Variants in PTPRN2 observed in about 807,000 individuals in gnomAD.
The protein encoded by PTPRN2 is receptor-type tyrosine-protein phosphatase N2.
Under a neutral mutation model 118.8 loss-of-function variants are expected in PTPRN2, and 74 were observed. The ratio of observed to expected loss-of-function variants is 0.62; its 90% CI spans 0.52 to 0.76. The LOEUF is 0.76. PTPRN2 is among the 30% of genes least tolerant of loss of function. The probability of loss-of-function intolerance (pLI) is 0.00; values close to 1 mark genes in which losing one functional copy is unlikely to be tolerated. For missense variants in PTPRN2, 1,481 were observed against 1,394.4 expected (o/e 1.06, Z -0.99); for synonymous variants, 641 against 608.0 (o/e 1.05, Z -0.80).
At chr7:158,183,725 T>TG in intron 5 of PTPRN2, among the ~76,000 whole-genome samples, 1 of 152,236 alleles carries the variant, frequency 6.6e-6, no homozygotes, top group Non-Finnish European at 1.5e-5. Flanking sequence ...GTGCATATCT[T>TG]GGAGGCAGTG....
chr7:158,125,241 G>T (rs989119180), intron 9 of PTPRN2, among the ~76,000 whole-genome samples: 1 of 137,698 alleles, frequency 7.3e-6, no homozygotes, highest in East Asian at 2.2e-4. Flanking sequence ...CCCCTGTCTC[G>T]AGTCCCTCCC....
At chr7:158,202,042 A>C (rs1470774350) in intron 4 of PTPRN2, among the ~76,000 whole-genome samples, 2 of 152,194 alleles carry the variant, frequency 1.3e-5, no homozygotes, top group African/African-American at 4.8e-5. Flanking sequence ...CATCCACTAC[A>C]CTGCATTTAC....
intron 2 of PTPRN2, among the ~76,000 whole-genome samples, chr7:158,373,924 C>T (rs1810294773): frequency 6.6e-6 from 1 of 152,226 alleles, no homozygotes; most frequent in African/African-American, 2.4e-5. Context: ...TCTCTGCCTA[C>T]CTGGTGCATG....
chr7:157,608,193 G>C (rs757229521), intron 15 of PTPRN2, among the ~76,000 whole-genome samples: 1 of 152,020 alleles, frequency 6.6e-6, no homozygotes, highest in Non-Finnish European at 1.5e-5. Context: ...TCAGCCTCCC[G>C]AGTAGCTGGG....
chr7:158,071,585 GGTGGAGGTGCTCCTGGTGGAGGTGCTC>G (rs1189180733), intron 11 of PTPRN2, among the ~76,000 whole-genome samples: 1 of 115,358 alleles, frequency 8.7e-6, no homozygotes, highest in African/African-American at 3.4e-5. Flanking sequence ...AGGTGCTCCT[GGTGGAGGTGCTCCTGGTGGAGGTGCTC>G]GTGGTGGAGG....
chr7:157,876,553 A>G (rs903215232), intron 12 of PTPRN2, among the ~76,000 whole-genome samples: 6 of 152,198 alleles, frequency 3.9e-5, no homozygotes, highest in African/African-American at 1.4e-4. Flanking sequence ...GCCCTAGAAG[A>G]CGTTTCTCCC....
At chr7:157,670,139 C>T (rs1295145052) in intron 13 of PTPRN2, among the ~76,000 whole-genome samples, 1 of 152,162 alleles carries the variant, frequency 6.6e-6, no homozygotes, top group Admixed American at 6.5e-5. Flanking sequence ...CCGACAGCTG[C>T]GGCTTCCTGC....
At chr7:157,879,027 A>C in intron 12 of PTPRN2, among the ~76,000 whole-genome samples, 1 of 142,242 alleles carries the variant, frequency 7.0e-6, no homozygotes, top group Non-Finnish European at 1.5e-5. Flanking sequence ...GGTCAGTGTG[A>C]TACCGTGCAC....
intron 11 of PTPRN2, among the ~76,000 whole-genome samples, chr7:157,926,094 C>G (rs535923694): frequency 6.6e-6 from 1 of 152,394 alleles, no homozygotes; most frequent in South Asian, 2.1e-4. Flanking sequence ...TGCATTACCT[C>G]CCTCTGTCTA....
intron 11 of PTPRN2, among the ~76,000 whole-genome samples, chr7:157,943,960 T>G (rs1800305079): frequency 6.6e-6 from 1 of 152,230 alleles, no homozygotes; most frequent in South Asian, 2.1e-4. Context: ...TTTTATGTGT[T>G]TTTAACTAAA....
At chr7:158,443,269 A>G (rs1817486328) in intron 2 of PTPRN2, among the ~76,000 whole-genome samples, 1 of 152,224 alleles carries the variant, frequency 6.6e-6, no homozygotes, top group Non-Finnish European at 1.5e-5. Context: ...GCTCCAGGGC[A>G]GCGCCAGGCA....
At chr7:158,312,255 C>T (rs61222803) in intron 3 of PTPRN2, among the ~76,000 whole-genome samples, 1,177 of 110,958 alleles carry the variant, frequency 0.011, 19 homozygotes, top group African/African-American at 0.032. Context: ...CACCTGCACA[C>T]GCACTCACGT....
At position 157,869,546 on chromosome 7, in the gene PTPRN2, T is replaced by C. The variant is rs1810924640; in HGVS notation, c.1788+29127A>G. On this transcript the variant is annotated intron_variant, in intron 12 of 22. Transcript: ENST00000389418. The surrounding 1 kb of genome is among the most constrained non-coding windows in gnomAD (Gnocchi z 4.2). ...ACCATTTAGTCCATTCCCAAGGCAC[T>C]GAGGACCTTGGGAATTTAGCCACAT... Among the ~76,000 whole-genome samples, 1 of 152,212 alleles carries C rather than the reference T, an allele frequency of 6.6e-6. No individual in the cohort carries two copies. Among genetic ancestry groups the C allele is most frequent in the Middle Eastern group, 3.2e-3 (1 of 316 alleles).
intron 14 of PTPRN2, among the ~76,000 whole-genome samples, chr7:157,649,279 C>T (rs367594304): frequency 7.9e-5 from 7 of 88,730 alleles, no homozygotes; most frequent in South Asian, 4.4e-4. Flanking sequence ...CTCGGTGGGT[C>T]GGACCCATCC....
chr7:157,892,120 G>T (rs556903269), intron 12 of PTPRN2, among the ~76,000 whole-genome samples: 1 of 151,534 alleles, frequency 6.6e-6, no homozygotes, highest in Non-Finnish European at 1.5e-5. Flanking sequence ...ACGCTTAGAA[G>T]CTAGAACGCT....
chr7:158,127,520 C>T (rs1817798989), intron 9 of PTPRN2, among the ~76,000 whole-genome samples: 1 of 152,220 alleles, frequency 6.6e-6, no homozygotes, highest in South Asian at 2.1e-4. Flanking sequence ...TTCCGTGGGT[C>T]AAGGGCCCAG....
intron 12 of PTPRN2, among the ~76,000 whole-genome samples, chr7:157,867,410 A>C (rs1361850285): frequency 8.2e-6 from 1 of 122,194 alleles, no homozygotes; most frequent in Non-Finnish European, 1.7e-5. Flanking sequence ...GACGCCCTGG[A>C]TACACGGCCA....
chr7:158,356,819 A>C (rs1254705246), intron 2 of PTPRN2, among the ~76,000 whole-genome samples: 3 of 152,202 alleles, frequency 2.0e-5, no homozygotes, highest in Non-Finnish European at 4.4e-5. Flanking sequence ...ATTTCTGATA[A>C]ATTTTCTCTT....
intron 3 of PTPRN2, among the ~76,000 whole-genome samples, chr7:158,287,160 C>T (rs111764374): frequency 6.6e-6 from 1 of 152,124 alleles, no homozygotes; most frequent in Non-Finnish European, 1.5e-5. Context: ...TGGTCCCTTA[C>T]ATTTCTGTGG....
Sources: allele counts gnomAD v4.1 joint callset (sites outside exome capture counted in the v4.1 genomes callset), GRCh38; gene constraint gnomAD v4.1.1; non-coding constraint Gnocchi (gnomAD v3.1); transcripts MANE v1.5; gene names NCBI Gene and HGNC (gene_info 2026-07-23, HGNC 2026-07-21).